The following ANO3 variants were observed in gnomAD, a reference collection of about 807,000 sequenced individuals.
ANO3 encodes the protein anoctamin 3, also known as anoctamin-3.
ANO3 carries 99 observed loss-of-function variants against 144.8 expected under a neutral mutation model. That is an observed-to-expected ratio of 0.68 (90% confidence interval 0.58 to 0.81). ANO3 has a LOEUF of 0.81. Ranked by LOEUF, ANO3 falls within the 30% of genes least tolerant of loss-of-function variation. The pLI, the probability that ANO3 is intolerant of heterozygous loss-of-function variation, is 0.00. For synonymous variants in ANO3, 414 were observed against 392.6 expected (o/e 1.05, Z -0.64); for missense variants, 905 against 1,202.2 (o/e 0.75, Z 3.66).
chr11:26,444,852 C>T, intron 3 of ANO3, among the ~76,000 whole-genome samples: 1 of 152,086 alleles, frequency 6.6e-6, no homozygotes, highest in East Asian at 1.9e-4. Flanking sequence ...ATGTGTGGCA[C>T]AGAAACAGTG....
intron 1 of ANO3, among the ~76,000 whole-genome samples, chr11:26,316,389 T>C (rs967354709): frequency 2.6e-5 from 4 of 152,198 alleles, no homozygotes; most frequent in African/African-American, 9.6e-5. Context: ...TTCTTTAACA[T>C]ATCATCGGTA....
intron 4 of ANO3, among the ~76,000 whole-genome samples, chr11:26,482,299 G>A (rs569452425): frequency 6.6e-6 from 1 of 152,076 alleles, no homozygotes; most frequent in African/African-American, 2.4e-5. Flanking sequence ...CATGTGCCAT[G>A]TTGGTGTTTC....
At chr11:26,651,649 C>T (rs1444238321) in intron 24 of ANO3, among the ~76,000 whole-genome samples, 6 of 151,788 alleles carry the variant, frequency 4.0e-5, no homozygotes, top group East Asian at 1.9e-4. Context: ...AAGTAATAGA[C>T]GTTTTCTAAA....
rs1861514971 is a variant in ANO3 at position 26,508,276 on chromosome 11, T to A, written c.591+14T>A. On this transcript the variant is annotated intron_variant, in intron 5 of 26. Coordinates refer to ENST00000256737, the MANE Select transcript of ANO3 (RefSeq NM_031418.4). ...TTGGAGAAGGAGGTAGGTGCTTTAC[T>A]ATTATTAGTTATGTGATAAAATGTG... 6.4e-7 allele frequency: 1 copy of A among 1,567,970 alleles called. No homozygotes were observed. Among genetic ancestry groups the A allele is most frequent in the Non-Finnish European group, 8.6e-7 (1 of 1,166,632 alleles).
At chr11:26,474,780 A>G (rs1040592633) in intron 4 of ANO3, among the ~76,000 whole-genome samples, 3 of 151,914 alleles carry the variant, frequency 2.0e-5, no homozygotes, top group Non-Finnish European at 4.4e-5. Context: ...AGATAAGATC[A>G]TGTAGCATAG....
At chr11:26,211,650 T>C (rs1340972736) in intron 1 of ANO3, among the ~76,000 whole-genome samples, 1 of 152,184 alleles carries the variant, frequency 6.6e-6, no homozygotes, top group African/African-American at 2.4e-5. Context: ...GAAGACAGTT[T>C]GGCAATTTCT....
At chr11:26,638,986 G>A (rs1487102726) in intron 20 of ANO3, among the ~76,000 whole-genome samples, 158 bp from the exon 21 acceptor site, 3 of 152,058 alleles carry the variant, frequency 2.0e-5, no homozygotes, top group Non-Finnish European at 4.4e-5. Context: ...CCCTCATCAA[G>A]TGCCCTCATA....
upstream of ANO3, among the ~76,000 whole-genome samples, chr11:26,328,677 G>C (rs566192170): frequency 7.9e-5 from 12 of 152,184 alleles, no homozygotes; most frequent in African/African-American, 2.7e-4. Flanking sequence ...GAGACAGGTT[G>C]TGAGTTGTGG....
intron 18 of ANO3, among the ~76,000 whole-genome samples, chr11:26,627,807 A>G (rs1852634783): frequency 7.7e-6 from 1 of 130,684 alleles, no homozygotes; most frequent in African/African-American, 2.9e-5. Flanking sequence ...TTAAAATAAT[A>G]GAATCTAGTG....
intron 6 of ANO3, among the ~76,000 whole-genome samples, chr11:26,521,713 C>G (rs1288166635): frequency 1.3e-5 from 2 of 152,128 alleles, no homozygotes; most frequent in African/African-American, 4.8e-5. Context: ...CGATCCAAAG[C>G]TGATTCCTAT....
intron 1 of ANO3, among the ~76,000 whole-genome samples, chr11:26,364,173 C>T (rs1285606076): frequency 1.3e-5 from 2 of 152,142 alleles, no homozygotes; most frequent in Non-Finnish European, 2.9e-5. Context: ...TCCTGGGTGC[C>T]GTTCCAAATC....
intron 1 of ANO3, among the ~76,000 whole-genome samples, chr11:26,288,346 AAC>A (rs1853855677): frequency 6.6e-6 from 1 of 152,322 alleles, no homozygotes; most frequent in Middle Eastern, 3.4e-3. Context: ...TGTTCAGAAA[AAC>A]ACAGATAGAG....
intron 14 of ANO3, among the ~76,000 whole-genome samples, chr11:26,577,226 A>T (rs1014089688): frequency 6.6e-6 from 1 of 152,204 alleles, no homozygotes. Context: ...GTAGACAGAA[A>T]AATTGTCAAC....
chr11:26,658,706 C>G (rs1414950167), intron 26 of ANO3, among the ~76,000 whole-genome samples: 1 of 152,084 alleles, frequency 6.6e-6, no homozygotes, highest in Non-Finnish European at 1.5e-5. Flanking sequence ...TATTCCTATA[C>G]CCTTGAGGCA....
intron 1 of ANO3, among the ~76,000 whole-genome samples, chr11:26,362,080 G>C (rs868097376): frequency 6.6e-6 from 1 of 152,050 alleles, no homozygotes; most frequent in African/African-American, 2.4e-5. Context: ...TCAGGTTGCA[G>C]CTTCTTTCCC....
chr11:26,528,781 A>G (rs1849230225), intron 7 of ANO3, among the ~76,000 whole-genome samples: 2 of 152,118 alleles, frequency 1.3e-5, no homozygotes, highest in East Asian at 1.9e-4. Flanking sequence ...GCTAAATTTA[A>G]AAAGCTTGAG....
chr11:26,509,320 CT>C lies in ANO3; in HGVS notation c.591+1067del, dbSNP rs1246312626. Among the ~76,000 whole-genome samples, 5 of 150,840 alleles carry C rather than the reference CT, an allele frequency of 3.3e-5. No homozygotes were observed. The East Asian group carries it at 7.8e-4, about 23-fold the overall frequency. ...CACCTAAACCTAAGTTACTTTTTTT[CT>C]TTTTTTTTCTGTGAGACTGAGTCTC... On this transcript the variant is annotated intron_variant, in intron 5 of 26. Coordinates refer to ENST00000256737, the MANE Select transcript of ANO3 (RefSeq NM_031418.4).
chr11:26,389,072 T>C (rs563942632), intron 1 of ANO3, among the ~76,000 whole-genome samples: 83 of 152,324 alleles, frequency 5.4e-4, no homozygotes, highest in Middle Eastern at 3.4e-3. Flanking sequence ...CACACAGAAT[T>C]TCTTTCCAGG....
intron 1 of ANO3, among the ~76,000 whole-genome samples, chr11:26,260,874 G>T (rs1413135784): frequency 1.3e-5 from 2 of 152,072 alleles, no homozygotes; most frequent in Non-Finnish European, 2.9e-5. Flanking sequence ...CTTCCCCATG[G>T]TTGGTAGATC....
Sources: allele counts gnomAD v4.1 joint callset (sites outside exome capture counted in the v4.1 genomes callset), GRCh38; gene constraint gnomAD v4.1.1; transcripts MANE v1.5; gene names NCBI Gene and HGNC (gene_info 2026-07-23, HGNC 2026-07-21).